The following HDAC9 variants were observed in gnomAD, a reference collection of about 807,000 sequenced individuals.
HDAC9 encodes the protein MEF-2 interacting transcription repressor (MITR) protein.
A neutral mutation model predicts 139.4 loss-of-function variants in HDAC9; 41 were observed. That is an observed-to-expected ratio of 0.29 (90% CI 0.23 to 0.38). HDAC9 has a LOEUF of 0.38. Ranked by LOEUF, HDAC9 falls within the 10% of genes least tolerant of loss-of-function variation. The pLI is 1.00. For synonymous variants in HDAC9, 517 were observed against 476.2 expected (o/e 1.09, Z -1.12); for missense variants, 1,147 against 1,297.0 (o/e 0.88, Z 1.78).
At chr7:18,175,662 T>C (rs1259364972) in intron 2 of HDAC9, among the ~76,000 whole-genome samples, 1 of 152,074 alleles carries the variant, frequency 6.6e-6, no homozygotes, top group Admixed American at 6.6e-5. Flanking sequence ...TGCTTTAATA[T>C]CCAAATGAAA....
In HDAC9 at chr7:18,997,458, T is replaced by C. The variant is rs1786533284; in HGVS notation, c.*1396T>C. 3 of 152,196 alleles carry C rather than the reference T, an allele frequency of 2.0e-5. No homozygotes were observed. The highest frequency in any genetic ancestry group is 7.2e-5 in the African/African-American group (3 of 41,466). The allele number at this position is 152,196 out of a possible 1,614,324, so 9.4% of individuals were successfully genotyped here. Reference sequence around the variant, plus strand: ...CTAAAATTCGATTTCAACATATAACTCAAACACCTAAACATATTGAGGTAG... The same window carrying C: ...CTAAAATTCGATTTCAACATATAACCCAAACACCTAAACATATTGAGGTAG... On this transcript the variant is annotated 3_prime_UTR_variant, in exon 26 of 26. Transcript: ENST00000686413.
chr7:18,140,233 A>G (rs1460528420), intron 1 of HDAC9, among the ~76,000 whole-genome samples: 1 of 152,182 alleles, frequency 6.6e-6, no homozygotes, highest in Non-Finnish European at 1.5e-5. Context: ...ATAGGAAAAC[A>G]GTGACAGCAT....
Position 18,991,869 on chromosome 7 carries a change from G to C in HDAC9, c.3171-4154G>C, listed in dbSNP as rs557794538. On this transcript the variant is annotated intron_variant, in intron 25 of 25. Coordinates refer to ENST00000686413, the MANE Select transcript of HDAC9 (RefSeq NM_178425.4). Reference sequence around the variant, plus strand: ...ATTCAATTAGAATATAAGGTCAATGGAGAATGTGAGTTCTATGAGAGCAGG... The same window carrying C: ...ATTCAATTAGAATATAAGGTCAATGCAGAATGTGAGTTCTATGAGAGCAGG... 2.0e-5 allele frequency among the ~76,000 whole-genome samples: 3 copies of C among 152,292 alleles called. No homozygotes were observed. In the East Asian group the frequency reaches 5.8e-4, roughly 29 times the overall value.
At chr7:18,099,719 T>A (rs1330351115) in intron 1 of HDAC9, among the ~76,000 whole-genome samples, 1 of 152,208 alleles carries the variant, frequency 6.6e-6, no homozygotes, top group Non-Finnish European at 1.5e-5. Context: ...TTCTCTAGAA[T>A]AGCAGATCTG....
intron 2 of HDAC9, among the ~76,000 whole-genome samples, chr7:18,523,422 A>C (rs1038410984): frequency 1.3e-5 from 2 of 152,222 alleles, no homozygotes; most frequent in Admixed American, 6.5e-5. Flanking sequence ...AATTCATGCA[A>C]GAGGTAAAGG....
chr7:18,359,573 C>A (rs1054723376), intron 1 of HDAC9, among the ~76,000 whole-genome samples: 3 of 152,178 alleles, frequency 2.0e-5, no homozygotes, highest in Non-Finnish European at 4.4e-5. Context: ...GTCCCCAGCA[C>A]CTGCTTTGTG....
In HDAC9 at chr7:18,741,947, C is replaced by T. The variant is rs1009165611; in HGVS notation, c.1910-7058C>T. On this transcript the variant is annotated intron_variant, in intron 13 of 25. Transcript: ENST00000686413. Reference sequence around the variant, plus strand: ...AACCTCAATATATCACTGAATTGCTCCAATCTCATTATAAAACTTGAATTA... The same window carrying T: ...AACCTCAATATATCACTGAATTGCTTCAATCTCATTATAAAACTTGAATTA... Among the ~76,000 whole-genome samples the T allele has an allele frequency of 3.3e-5, 5 of 152,154 alleles. No homozygotes were observed. The South Asian group carries it at 1.0e-3, about 32-fold the overall frequency.
At chr7:18,807,591 A>G (rs1001553391) in intron 17 of HDAC9, among the ~76,000 whole-genome samples, 28 of 151,836 alleles carry the variant, frequency 1.8e-4, no homozygotes, top group African/African-American at 6.8e-4. Context: ...CTTTCCTAGA[A>G]CTGCTTTTGC....
chr7:18,252,579 G>A (rs1409786745), intron 2 of HDAC9, among the ~76,000 whole-genome samples: 2 of 152,038 alleles, frequency 1.3e-5, no homozygotes. Context: ...TTTTGGAGTT[G>A]TATATAATTC....
intron 2 of HDAC9, among the ~76,000 whole-genome samples, chr7:18,568,020 G>GTGTGTATA (rs1402833122): frequency 1.8e-4 from 9 of 48,848 alleles, no homozygotes; most frequent in African/African-American, 1.1e-3. Flanking sequence ...CAGGATATAT[G>GTGTGTATA]TATATGTATA....
At chr7:18,579,419 A>G (rs1298429112) in intron 2 of HDAC9, among the ~76,000 whole-genome samples, 1 of 152,226 alleles carries the variant, frequency 6.6e-6, no homozygotes, top group Non-Finnish European at 1.5e-5. Flanking sequence ...GTTAAAGCAG[A>G]AAACAGTACA....
chr7:18,667,892 A>AGGTTC, intron 12 of HDAC9: 3 of 983,622 alleles, frequency 3.0e-6, no homozygotes, highest in Non-Finnish European at 3.6e-6. Context: ...AGCTAGTTAA[A>AGGTTC]GGTTCGTTGT....
At chr7:18,499,769 T>A (rs913306448) in intron 2 of HDAC9, among the ~76,000 whole-genome samples, 1 of 152,184 alleles carries the variant, frequency 6.6e-6, no homozygotes, top group African/African-American at 2.4e-5. Context: ...TATTCTTACT[T>A]TAGGGTATAA....
In HDAC9 at chr7:18,999,478, CAG is replaced by C. The variant is rs1786643791; in HGVS notation, c.*3419_*3420del. On this transcript the variant is annotated 3_prime_UTR_variant, in exon 26 of 26. Coordinates refer to ENST00000686413, the MANE Select transcript of HDAC9 (RefSeq NM_178425.4). ...TTTTAAAACTTTTTTATTTTTGAGT[CAG>C]AGTTTTGCTCTTGGTGCCCAGGCTG... 6.6e-6 allele frequency: 1 copy of C among 152,170 alleles called. No individual in the cohort carries two copies. The highest frequency in any genetic ancestry group is 6.5e-5 in the Admixed American group (1 of 15,276). 9.4% of individuals were successfully genotyped at this position (152,170 alleles called of 1,614,324 possible).
chr7:18,274,510 C>T (rs1049041167), intron 2 of HDAC9, among the ~76,000 whole-genome samples: 1 of 152,136 alleles, frequency 6.6e-6, no homozygotes, highest in Admixed American at 6.5e-5. Context: ...AAGGATCCAC[C>T]CCTATGGCCT....
chr7:18,728,523 A>T (rs1026269922), intron 13 of HDAC9, among the ~76,000 whole-genome samples: 2 of 151,802 alleles, frequency 1.3e-5, no homozygotes, highest in Non-Finnish European at 2.9e-5. Context: ...TGTGTACTCT[A>T]CTCCATTCTA....
intron 2 of HDAC9, among the ~76,000 whole-genome samples, chr7:18,199,323 T>G (rs1029795609): frequency 6.6e-6 from 1 of 152,210 alleles, no homozygotes; most frequent in Non-Finnish European, 1.5e-5. Flanking sequence ...CTTGTGAAGT[T>G]TAATAATTTA....
At chr7:18,678,930 A>T (rs1781702620) in intron 12 of HDAC9, among the ~76,000 whole-genome samples, 2 of 151,914 alleles carry the variant, frequency 1.3e-5, no homozygotes, top group Admixed American at 6.6e-5. Context: ...TTTACACTCA[A>T]CTTGGTTTCT....
intron 23 of HDAC9, among the ~76,000 whole-genome samples, chr7:18,939,434 A>G (rs200780043): frequency 6.6e-6 from 1 of 152,232 alleles, no homozygotes; most frequent in South Asian, 2.1e-4. Flanking sequence ...TGTGTTGTAC[A>G]TTATAATTCA....
Sources: allele counts gnomAD v4.1 joint callset (sites outside exome capture counted in the v4.1 genomes callset), GRCh38; gene constraint gnomAD v4.1.1; transcripts MANE v1.5; gene names NCBI Gene and HGNC (gene_info 2026-07-23, HGNC 2026-07-21).